MEIS2: variants seen among roughly 807,000 people sequenced by gnomAD.
MEIS2 encodes Meis homeobox 2.
MEIS2 carries 9 observed loss-of-function variants against 58.6 expected under a neutral mutation model. The observed-to-expected ratio is 0.15, with a 90% confidence interval of 0.09 to 0.27. The LOEUF is 0.27. Among genes scored for constraint, MEIS2 ranks in the 10% least tolerant of loss-of-function variants. MEIS2 has a pLI of 1.00. For synonymous variants in MEIS2, 221 were observed against 228.4 expected (o/e 0.97, Z 0.29); for missense variants, 427 against 635.0 (o/e 0.67, Z 3.52).
At chr15:37,000,620 G>C (rs1366310930) in intron 8 of MEIS2, among the ~76,000 whole-genome samples, 5 of 151,990 alleles carry the variant, frequency 3.3e-5, no homozygotes. Flanking sequence ...GTCAGAGAAA[G>C]AGCCATTCTT....
intron 8 of MEIS2, among the ~76,000 whole-genome samples, chr15:36,955,629 C>G (rs2058931871): frequency 6.6e-6 from 1 of 152,104 alleles, no homozygotes. Flanking sequence ...TTTTGAATCT[C>G]TCTGACTCTC....
intron 8 of MEIS2, among the ~76,000 whole-genome samples, chr15:36,983,362 T>C (rs1281981680): frequency 1.3e-5 from 2 of 152,142 alleles, no homozygotes; most frequent in African/African-American, 4.8e-5. Flanking sequence ...CTTTTGTGCA[T>C]CTGGAGTTCA....
chr15:37,007,426 G>C (rs775293673), intron 8 of MEIS2, among the ~76,000 whole-genome samples: 6 of 152,176 alleles, frequency 3.9e-5, no homozygotes, highest in Admixed American at 2.0e-4. Flanking sequence ...ACTTGGACCT[G>C]AATAAAGTGG....
rs371670499 is a variant in MEIS2 at position 37,085,132 on chromosome 15, C to T, written c.640-1247G>A. Among the ~76,000 whole-genome samples, 4 of 151,066 alleles carry T rather than the reference C, an allele frequency of 2.6e-5. No individual in the cohort carries two copies. In the East Asian group the frequency reaches 5.8e-4, roughly 22 times the overall value. On this transcript the variant is annotated intron_variant, in intron 6 of 11. Coordinates refer to ENST00000561208, the MANE Select transcript of MEIS2 (RefSeq NM_170675.5). ...CAATCGAAGTATACAAATTATACAC[C>T]AATCAAAGTATACAAAGTATATCAC...
chr15:36,989,702 G>A (rs1595878696), intron 8 of MEIS2, among the ~76,000 whole-genome samples: 2 of 152,196 alleles, frequency 1.3e-5, no homozygotes, highest in Middle Eastern at 3.4e-3. Context: ...CTATTACTAC[G>A]GGCTAACTCA....
At chr15:37,082,810 C>T (rs1047306259) in intron 7 of MEIS2, among the ~76,000 whole-genome samples, 12 of 152,048 alleles carry the variant, frequency 7.9e-5, no homozygotes, top group Admixed American at 5.2e-4. Context: ...GCTTGGAGGA[C>T]AAAAGGCACC....
At chr15:36,922,157 C>A (rs2057537259) in intron 9 of MEIS2, among the ~76,000 whole-genome samples, 1 of 152,178 alleles carries the variant, frequency 6.6e-6, no homozygotes, top group Non-Finnish European at 1.5e-5. Flanking sequence ...GAAGGGAGAG[C>A]ATTGGTCTGT....
intron 7 of MEIS2, among the ~76,000 whole-genome samples, chr15:37,045,237 T>C (rs1339117195): frequency 1.3e-5 from 2 of 152,126 alleles, no homozygotes; most frequent in African/African-American, 4.8e-5. Context: ...TTCAGAAACA[T>C]TACAGTTAAA....
chr15:37,068,959 T>C (rs1205122214), intron 7 of MEIS2, among the ~76,000 whole-genome samples: 1 of 152,244 alleles, frequency 6.6e-6, no homozygotes, highest in Admixed American at 6.5e-5. Flanking sequence ...GCCCAACATT[T>C]AGTATAACAT....
At chr15:37,084,706 G>A (rs1340050630) in intron 6 of MEIS2, among the ~76,000 whole-genome samples, 1 of 152,152 alleles carries the variant, frequency 6.6e-6, no homozygotes, top group Non-Finnish European at 1.5e-5. Flanking sequence ...CTACTTGGCT[G>A]AGTATATTCT....
At chr15:37,028,062 G>A (rs1015421537) in intron 8 of MEIS2, among the ~76,000 whole-genome samples, 2 of 152,078 alleles carry the variant, frequency 1.3e-5, no homozygotes, top group African/African-American at 4.8e-5. Flanking sequence ...GAGCAGTTTG[G>A]CTGCCCTAAA....
At chr15:37,064,999 C>T (rs1384727317) in intron 7 of MEIS2, among the ~76,000 whole-genome samples, 3 of 152,120 alleles carry the variant, frequency 2.0e-5, no homozygotes, top group South Asian at 4.1e-4. Flanking sequence ...TAGGATACTA[C>T]GTGATTTTGA....
At chr15:37,098,408 GA>G in intron 1 of MEIS2, 2 of 1,206,190 alleles carry the variant, frequency 1.7e-6, no homozygotes, top group African/African-American at 1.6e-5. Context: ...GAGAGAGAGA[GA>G]GAGAGAGAGA....
At chr15:37,010,037 CT>C (rs1195369414) in intron 8 of MEIS2, among the ~76,000 whole-genome samples, 1 of 152,112 alleles carries the variant, frequency 6.6e-6, no homozygotes, top group African/African-American at 2.4e-5. Flanking sequence ...CTAACCCATG[CT>C]TTTCACAGCC....
intron 8 of MEIS2, among the ~76,000 whole-genome samples, chr15:37,026,290 A>C (rs1332288542): frequency 3.3e-5 from 5 of 152,278 alleles, no homozygotes; most frequent in Middle Eastern, 3.4e-3. Context: ...ACCCCGGTAC[A>C]CTTGGGTTGT....
chr15:36,969,104 T>C (rs1217445709), intron 8 of MEIS2, among the ~76,000 whole-genome samples: 2 of 152,226 alleles, frequency 1.3e-5, no homozygotes, highest in Non-Finnish European at 2.9e-5. Flanking sequence ...TTTTAAGCCT[T>C]CATCAGCCAC....
rs568320868 is a variant in MEIS2 at position 36,928,579 on chromosome 15, G to A, written c.977+21745C>T. Among the ~76,000 whole-genome samples, 22 of 152,202 alleles carry A rather than the reference G, an allele frequency of 1.4e-4. No homozygotes were observed. In the Middle Eastern group the frequency reaches 0.01, roughly 71 times the overall value. On this transcript the variant is annotated intron_variant, in intron 9 of 11. Transcript: ENST00000561208. The stretch of plus-strand genomic sequence containing the variant: ...TAAGAAAAAGTACCAAATACTACCT[G>A]TGTGTGTATGCAAACTATTCTTCTA...
chr15:36,929,673 C>T (rs982497797), intron 9 of MEIS2, among the ~76,000 whole-genome samples: 7 of 152,330 alleles, frequency 4.6e-5, no homozygotes, highest in Non-Finnish European at 1.0e-4. Flanking sequence ...CCTCACCTAG[C>T]ACAGCTCCTG....
rs944456502 is a variant in MEIS2, at chr15:37,083,832, G to A, written c.693C>T (p.Gly231=). Residue 231 remains glycine, a synonymous_variant, in exon 7 of 12, where the codon GGC becomes GGT. Coordinates refer to ENST00000561208, the MANE Select transcript of MEIS2 (RefSeq NM_170675.5). ...HDDATSTHSA[G]TPGPSSGGHA... is the part of the protein sequence containing the mutation. ...GGCCCCCACTGGAGGGCCCTGGGGTGCCTGCTGAGTGGGTTGAGGTTGCAT... is the reference window on the plus strand; with the variant it reads ...GGCCCCCACTGGAGGGCCCTGGGGTACCTGCTGAGTGGGTTGAGGTTGCAT... 3 of 1,613,960 alleles carry A rather than the reference G, an allele frequency of 1.9e-6. No individual in the cohort carries two copies. Among genetic ancestry groups the A allele is most frequent in the African/African-American group, 1.3e-5 (1 of 74,906 alleles).
Sources: gnomAD v4.1 joint callset for allele counts (sites outside exome capture counted in the v4.1 genomes callset) on GRCh38, gnomAD v4.1.1 for gene constraint, MANE v1.5 for transcripts, NCBI Gene and HGNC (gene_info 2026-07-23, HGNC 2026-07-21) for gene names.